Variants in NSG2 observed in about 807,000 individuals in gnomAD.
The protein encoded by NSG2 is neuronal vesicle trafficking-associated protein 2.
In NSG2, 4 loss-of-function variants were observed where a neutral mutation model predicts 16.9. The ratio of observed to expected loss-of-function variants is 0.24; its 90% CI spans 0.12 to 0.54. NSG2 has a LOEUF of 0.54. NSG2 is among the 20% of genes least tolerant of loss of function. The pLI, the probability that NSG2 is intolerant of heterozygous loss-of-function variation, is 0.95. For synonymous variants in NSG2, 98 were observed against 88.7 expected (o/e 1.11, Z -0.59); for missense variants, 179 against 221.1 (o/e 0.81, Z 1.21).
chr5:174,053,893 TTGTC>T (rs1759929241), intron 2 of NSG2, among the ~76,000 whole-genome samples: 1 of 152,248 alleles, frequency 6.6e-6, no homozygotes, highest in South Asian at 2.1e-4. Context: ...TATTTTGACA[TTGTC>T]TGTACAATGT....
chr5:174,078,496 C>T lies in NSG2; in HGVS notation c.213+14181C>T, dbSNP rs531092825. ...TTCATCATCTTTCTCAATTAGTCCACGATTGTTCTAGCTTTCAGCCTTCTG... is the reference window on the plus strand; with the variant it reads ...TTCATCATCTTTCTCAATTAGTCCATGATTGTTCTAGCTTTCAGCCTTCTG... On this transcript the variant is annotated intron_variant, in intron 3 of 4. Transcript: ENST00000303177. Among the ~76,000 whole-genome samples, 186 of 152,322 alleles carry T rather than the reference C, an allele frequency of 1.2e-3. 2 individuals are homozygous for T. The South Asian group carries it at 0.033, about 27-fold the overall frequency.
chr5:174,064,371 C>A, intron 3 of NSG2, 56 bp downstream of exon 3: 1 of 1,183,872 alleles, frequency 8.4e-7, no homozygotes, highest in Non-Finnish European at 1.2e-6. Context: ...CTCCAGCCAG[C>A]TCAGCACACC....
intron 2 of NSG2, among the ~76,000 whole-genome samples, chr5:174,061,648 G>A: frequency 6.6e-6 from 1 of 152,104 alleles, no homozygotes; most frequent in East Asian, 1.9e-4. Flanking sequence ...TCTGTCGCCA[G>A]GCTGGAGTGC....
At chr5:174,104,207 C>T in intron 3 of NSG2, 21 bp from the exon 4 acceptor site, 1 of 1,586,652 alleles carries the variant, frequency 6.3e-7, no homozygotes, top group Non-Finnish European at 8.7e-7. Flanking sequence ...GGCTGGATGA[C>T]TTAATTTTGT....
At chr5:174,090,151 G>C (rs936630118) in intron 3 of NSG2, among the ~76,000 whole-genome samples, 2 of 152,128 alleles carry the variant, frequency 1.3e-5, no homozygotes, top group African/African-American at 4.8e-5. Flanking sequence ...AATTCACCAG[G>C]AGGACTCACA....
At position 174,072,415 on chromosome 5, in the gene NSG2, A is replaced by G. The variant is rs1008893055; in HGVS notation, c.213+8100A>G. 1.1e-4 allele frequency among the ~76,000 whole-genome samples: 17 copies of G among 152,168 alleles called. No individual in the cohort carries two copies. The highest frequency in any genetic ancestry group is 4.4e-5 in the Non-Finnish European group (3 of 68,024). On this transcript the variant is annotated intron_variant, in intron 3 of 4. Transcript: ENST00000303177. This position sits in a 1 kb window ranked among gnomAD's most constrained non-coding sequence, Gnocchi z 4.0. ...AGCTGGATTGTCTTTCCTGCCTGCC[A>G]TGGGGCCATCTCCCTATTCATCCCT...
chr5:174,075,864 T>C (rs1760332732), intron 3 of NSG2, among the ~76,000 whole-genome samples: 1 of 152,196 alleles, frequency 6.6e-6, no homozygotes. Flanking sequence ...AGAAAATGAG[T>C]TGTTATAGCA....
chr5:174,106,453 C>T (rs1239054787), intron 4 of NSG2, among the ~76,000 whole-genome samples: 1 of 152,062 alleles, frequency 6.6e-6, no homozygotes, highest in Non-Finnish European at 1.5e-5. Context: ...AGAGAAACCT[C>T]CAAGTTCGTC....
chr5:174,068,161 A>T (rs192996350), intron 3 of NSG2, among the ~76,000 whole-genome samples: 22 of 152,278 alleles, frequency 1.4e-4, no homozygotes, highest in Admixed American at 1.3e-3. Flanking sequence ...TCTCATTCCA[A>T]TCCCTTCATG....
In NSG2 at chr5:174,104,273, G is replaced by A. The variant is rs745479130; in HGVS notation, c.259G>A (p.Val87Met). The change falls in exon 4 of 5, where the codon GTG becomes ATG. Residue 87 changes from valine (V) to methionine (M), a missense_variant. Val to Met is a conservative substitution (Grantham distance 21, BLOSUM62 1). Coordinates refer to ENST00000303177, the MANE Select transcript of NSG2 (RefSeq NM_015980.5). ...SLALAFLACI[V>M]FLVVYKAFTY... ...GGCCCTAGCTTTCCTTGCGTGCATC[G>A]TGTTCCTGGTGGTTTACAAAGCCTT... The A allele has an allele frequency of 6.2e-6, 10 of 1,614,024 alleles. No homozygotes were observed. The highest frequency in any genetic ancestry group is 1.1e-5 in the South Asian group (1 of 91,082).
At chr5:174,064,198 C>CCATG in intron 2 of NSG2, 34 bp from the exon 3 acceptor site, 1 of 1,432,380 alleles carries the variant, frequency 7.0e-7, no homozygotes. Context: ...TTTCAAGTCT[C>CCATG]CATGCATGCT....
intron 3 of NSG2, among the ~76,000 whole-genome samples, chr5:174,101,151 T>C (rs1760891713): frequency 6.6e-6 from 1 of 152,206 alleles, no homozygotes; most frequent in African/African-American, 2.4e-5. Flanking sequence ...AGGTGTGTTC[T>C]CTTTGAGGGG....
At chr5:174,057,478 A>G (rs1759983267) in intron 2 of NSG2, among the ~76,000 whole-genome samples, 1 of 147,516 alleles carries the variant, frequency 6.8e-6, no homozygotes, top group Admixed American at 6.7e-5. Context: ...TCTACTCCAC[A>G]GGAACAAAAC....
intron 2 of NSG2, among the ~76,000 whole-genome samples, chr5:174,061,573 C>T (rs1760051300): frequency 6.6e-6 from 1 of 152,178 alleles, no homozygotes; most frequent in Non-Finnish European, 1.5e-5. Context: ...TTGTTTTGTC[C>T]ACCCAGGAAA....
intron 3 of NSG2, among the ~76,000 whole-genome samples, chr5:174,066,956 C>T (rs1760150439): frequency 7.7e-6 from 1 of 129,090 alleles, no homozygotes; most frequent in Non-Finnish European, 1.6e-5. Flanking sequence ...CGCCACTGCA[C>T]TCCAGCCTGG....
In NSG2 at chr5:174,058,595, G is replaced by A. The variant is rs139271146; in HGVS notation, c.130-5637G>A. Among the ~76,000 whole-genome samples, 24 of 152,282 alleles carry A rather than the reference G, an allele frequency of 1.6e-4. No homozygotes were observed. In the East Asian group the frequency reaches 4.2e-3, roughly 27 times the overall value. ...AGGAGGAGCCTGGAGTGGAGACGGA[G>A]GAGGGCTGCTGGGTGAGCCAGCAAC... On this transcript the variant is annotated intron_variant, in intron 2 of 4. Transcript: ENST00000303177.
In NSG2 at chr5:174,072,094, C is replaced by G. The variant is rs1001338183; in HGVS notation, c.213+7779C>G. Among the ~76,000 whole-genome samples the G allele has an allele frequency of 6.6e-6, 1 of 152,164 alleles. No homozygotes were observed. Among genetic ancestry groups the G allele is most frequent in the African/African-American group, 2.4e-5 (1 of 41,440 alleles). On this transcript the variant is annotated intron_variant, in intron 3 of 4. Coordinates refer to ENST00000303177, the MANE Select transcript of NSG2 (RefSeq NM_015980.5). The surrounding 1 kb of genome is among the most constrained non-coding windows in gnomAD (Gnocchi z 4.0). Reference sequence around the variant, plus strand: ...ACCTAGCAGCCATAGAGCCAGGCCCCTCTCCCTCTGGAAGTCTCTAGTGAC... The same window carrying G: ...ACCTAGCAGCCATAGAGCCAGGCCCGTCTCCCTCTGGAAGTCTCTAGTGAC...
intron 3 of NSG2, among the ~76,000 whole-genome samples, chr5:174,103,879 C>A (rs1222781427): frequency 6.6e-6 from 1 of 152,126 alleles, no homozygotes; most frequent in Non-Finnish European, 1.5e-5. Context: ...CAGGGAGAAG[C>A]ACTTGAACCT....
At chr5:174,046,982 T>G in intron 2 of NSG2, 98 bp downstream of exon 2, 1 of 1,231,578 alleles carries the variant, frequency 8.1e-7, no homozygotes, top group Non-Finnish European at 1.2e-6. Flanking sequence ...TTTCATTCTC[T>G]TATCTGCCAA....
Sources: allele counts gnomAD v4.1 joint callset (sites outside exome capture counted in the v4.1 genomes callset), GRCh38; gene constraint gnomAD v4.1.1; non-coding constraint Gnocchi (gnomAD v3.1); transcripts MANE v1.5; gene names NCBI Gene and HGNC (gene_info 2026-07-23, HGNC 2026-07-21).